Variants in NFAM1 observed in about 807,000 individuals in gnomAD.
The protein encoded by NFAM1 is NFAT activation molecule 1.
Under a neutral mutation model 29.0 loss-of-function variants are expected in NFAM1, and 17 were observed. That is an observed-to-expected ratio of 0.59 (90% CI 0.40 to 0.88). NFAM1 has a LOEUF of 0.88. Among genes scored for constraint, NFAM1 ranks in the 40% least tolerant of loss-of-function variants. The pLI is 0.00. For missense variants in NFAM1, 324 were observed against 344.6 expected, an observed-to-expected ratio of 0.94 and a Z score of 0.47; for synonymous variants, 175 against 147.2, an observed-to-expected ratio of 1.19 and a Z score of -1.36.
chr22:42,399,592 C>T (rs866585683), intron 3 of NFAM1, among the ~76,000 whole-genome samples: 2 of 152,068 alleles, frequency 1.3e-5, no homozygotes, highest in Admixed American at 6.5e-5. Context: ...TCTGAGGGCT[C>T]GAAGTGGGAG....
At chr22:42,393,353 C>T (rs1409180121) in intron 4 of NFAM1, among the ~76,000 whole-genome samples, 2 of 152,032 alleles carry the variant, frequency 1.3e-5, no homozygotes, top group African/African-American at 2.4e-5. Context: ...AAGTTCAAGA[C>T]CAGCTGGGCC....
At position 42,388,341 on chromosome 22, in the gene NFAM1, C is replaced by G. The variant is rs556558730; in HGVS notation, c.664-1263G>C. On this transcript the variant is annotated intron_variant, in intron 4 of 5. Transcript: ENST00000329021. This position sits in a 1 kb window ranked among gnomAD's most constrained non-coding sequence, Gnocchi z 4.1. ...GAGATACTGTGCACAAAGGGCCACA[C>G]ACACAGTCAGGGAAGTAGTAGGTGC... Among the ~76,000 whole-genome samples, 37 of 152,328 alleles carry G rather than the reference C, an allele frequency of 2.4e-4. No individual in the cohort carries two copies. Among genetic ancestry groups the G allele is most frequent in the South Asian group, 8.3e-4 (4 of 4,830 alleles).
At chr22:42,429,552 G>T (rs1363547814) in intron 1 of NFAM1, among the ~76,000 whole-genome samples, 2 of 152,200 alleles carry the variant, frequency 1.3e-5, no homozygotes, top group African/African-American at 4.8e-5. Flanking sequence ...GGAGGCGGAG[G>T]TTGCAGTAAG....
rs552731209 is a variant in NFAM1, at chr22:42,415,551, G to A, written c.122-3815C>T. Among the ~76,000 whole-genome samples, 469 of 151,982 alleles carry A rather than the reference G, an allele frequency of 3.1e-3. 3 individuals are homozygous for A. Among genetic ancestry groups the A allele is most frequent in the Non-Finnish European group, 4.8e-3 (324 of 67,974 alleles). ...CCTGACCTCGTGATCTGCCCACCTC[G>A]GCCTCCCAAAGTGCTGGGATTACAG... On this transcript the variant is annotated intron_variant, in intron 1 of 5. Coordinates refer to ENST00000329021, the MANE Select transcript of NFAM1 (RefSeq NM_145912.8).
At position 42,388,714 on chromosome 22, in the gene NFAM1, A is replaced by G. The variant is rs1929233594; in HGVS notation, c.664-1636T>C. ...GGCATGAAAATCCAAGTAATAAACC[A>G]TTTGGCACTTGGGAGACCCTCACTT... On this transcript the variant is annotated intron_variant, in intron 4 of 5. Transcript: ENST00000329021. The surrounding 1 kb of genome is among the most constrained non-coding windows in gnomAD (Gnocchi z 4.1). Among the ~76,000 whole-genome samples, 2 of 152,098 alleles carry G rather than the reference A, an allele frequency of 1.3e-5. No homozygotes were observed. The highest frequency in any genetic ancestry group is 2.4e-5 in the African/African-American group (1 of 41,404).
intron 1 of NFAM1, among the ~76,000 whole-genome samples, chr22:42,421,445 C>CAA (rs202030633): frequency 0.012 from 1,402 of 112,528 alleles, 11 homozygotes; most frequent in East Asian, 0.023. Context: ...AACTCTGTCT[C>CAA]AAAAAAAAAA....
intron 1 of NFAM1, among the ~76,000 whole-genome samples, chr22:42,421,904 G>C (rs111713011): frequency 3.0e-4 from 45 of 152,320 alleles, no homozygotes; most frequent in Admixed American, 1.7e-3. Context: ...CCATGTGCCT[G>C]AGCACAAATC....
In NFAM1 at chr22:42,397,873, T is replaced by C; in HGVS notation, c.648A>G (p.Ser216=). 6.2e-7 allele frequency: 1 copy of C among 1,612,204 alleles called. No homozygotes were observed. The highest frequency in any genetic ancestry group is 8.5e-7 in the Non-Finnish European group (1 of 1,178,348). The change falls in exon 4 of 6, where the codon TCA becomes TCG. Residue 216 remains serine, a synonymous_variant. Transcript: ENST00000329021. ...RSASSPKQHP[S]ESVYTALQRR... Reference sequence around the variant, plus strand: ...CGGGACTCACTGTGTAGACAGATTCTGAAGGATGCTGCTTGGGGCTGCTGG... The same window carrying C: ...CGGGACTCACTGTGTAGACAGATTCCGAAGGATGCTGCTTGGGGCTGCTGG...
chr22:42,389,091 T>C (rs1929244925), intron 4 of NFAM1, among the ~76,000 whole-genome samples: 1 of 152,172 alleles, frequency 6.6e-6, no homozygotes, highest in East Asian at 1.9e-4. Context: ...TGGATGATTC[T>C]GGTCACAGAG....
At chr22:42,407,903 C>CTTTTTTTTTTTT (rs61407898) in intron 3 of NFAM1, among the ~76,000 whole-genome samples, 1 of 103,312 alleles carries the variant, frequency 9.7e-6, no homozygotes, top group Non-Finnish European at 1.9e-5. Flanking sequence ...ACAGATTTCT[C>CTTTTTTTTTTTT]TTTTTTTTTT....
chr22:42,417,226 T>C (rs952497620), intron 1 of NFAM1, among the ~76,000 whole-genome samples: 8 of 152,228 alleles, frequency 5.3e-5, no homozygotes, highest in African/African-American at 1.7e-4. Flanking sequence ...AAGTTTTGTC[T>C]GTTACACAGG....
At chr22:42,433,044 C>G (rs895411386), upstream of NFAM1, among the ~76,000 whole-genome samples, 2 of 152,210 alleles carry the variant, frequency 1.3e-5, no homozygotes, top group South Asian at 2.1e-4. Context: ...TTAGCTCACT[C>G]GGCCTCCCAA....
chr22:42,400,741 G>A (rs1488392555), intron 3 of NFAM1, among the ~76,000 whole-genome samples: 1 of 152,262 alleles, frequency 6.6e-6, no homozygotes, highest in Non-Finnish European at 1.5e-5. Flanking sequence ...TGCACCACCT[G>A]CTTCTTGAGG....
At chr22:42,411,256 T>C in intron 2 of NFAM1, 151 bp downstream of exon 2, 1 of 623,136 alleles carries the variant, frequency 1.6e-6, no homozygotes, top group East Asian at 2.8e-5. Context: ...ATCCCTGACC[T>C]CAGGTGATCC....
At position 42,395,775 on chromosome 22, in the gene NFAM1, T is replaced by A. The variant is rs186900815; in HGVS notation, c.663+2083A>T. Among the ~76,000 whole-genome samples, 412 of 147,740 alleles carry A rather than the reference T, an allele frequency of 2.8e-3. 2 individuals are homozygous for A. The highest frequency in any genetic ancestry group is 1.0e-2 in the African/African-American group (400 of 40,022). On this transcript the variant is annotated intron_variant, in intron 4 of 5. Coordinates refer to ENST00000329021, the MANE Select transcript of NFAM1 (RefSeq NM_145912.8). ...GCGGGCACCTGTAGTCCCAGCTACT[T>A]GGGAGGCTGAGGCAAGAGAATGGCA...
At chr22:42,426,242 G>T (rs1460365358) in intron 1 of NFAM1, among the ~76,000 whole-genome samples, 1 of 152,168 alleles carries the variant, frequency 6.6e-6, no homozygotes, top group Non-Finnish European at 1.5e-5. Context: ...CCTGCTGAGG[G>T]CAGTGAGGCT....
intron 1 of NFAM1, among the ~76,000 whole-genome samples, chr22:42,415,052 C>T (rs113288839): frequency 6.6e-6 from 1 of 152,126 alleles, no homozygotes; most frequent in Non-Finnish European, 1.5e-5. Context: ...TCAGCCACAG[C>T]GAGGAGAGGC....
intron 1 of NFAM1, among the ~76,000 whole-genome samples, chr22:42,421,647 G>A (rs1421961558): frequency 6.6e-6 from 1 of 152,014 alleles, no homozygotes; most frequent in Non-Finnish European, 1.5e-5. Flanking sequence ...TCCCTTCTAT[G>A]GCATCAAGCG....
At chr22:42,417,912 T>C (rs1228308973) in intron 1 of NFAM1, among the ~76,000 whole-genome samples, 3 of 152,002 alleles carry the variant, frequency 2.0e-5, no homozygotes, top group African/African-American at 7.3e-5. Flanking sequence ...AGTCTTCAAC[T>C]CCTCTCCTGT....
Sources: gnomAD v4.1 joint callset for allele counts (sites outside exome capture counted in the v4.1 genomes callset) on GRCh38, gnomAD v4.1.1 for gene constraint, Gnocchi (gnomAD v3.1) non-coding constraint, MANE v1.5 for transcripts, NCBI Gene and HGNC (gene_info 2026-07-23, HGNC 2026-07-21) for gene names.